The following ZFHX3 variants were observed in gnomAD, a reference collection of about 807,000 sequenced individuals.
ZFHX3 encodes the protein zinc finger homeobox protein 3.
A neutral mutation model predicts 279.1 loss-of-function variants in ZFHX3; 42 were observed. The observed-to-expected ratio is 0.15, with a 90% CI of 0.12 to 0.19. The LOEUF (loss-of-function observed/expected upper bound fraction) is 0.19, where lower values mean the gene tolerates loss of function less well. Among genes scored for constraint, ZFHX3 ranks in the 10% least tolerant of loss-of-function variants. ZFHX3 has a pLI of 1.00. For synonymous variants in ZFHX3, 2,293 were observed against 1,957.8 expected, an observed-to-expected ratio of 1.17 and a Z score of -4.52; for missense variants, 4,981 against 4,754.0, an observed-to-expected ratio of 1.05 and a Z score of -1.40.
intron 3 of ZFHX3, among the ~76,000 whole-genome samples, chr16:72,901,282 G>C (rs931552280): frequency 1.3e-5 from 2 of 152,320 alleles, no homozygotes; most frequent in Non-Finnish European, 2.9e-5. Context: ...CCAAATGCGA[G>C]AGGAAAATGC....
chr16:73,315,048 T>C (rs2015413207), intron 4 of ZFHX3, among the ~76,000 whole-genome samples: 1 of 151,964 alleles, frequency 6.6e-6, no homozygotes, highest in Non-Finnish European at 1.5e-5. Context: ...GCCAACGTAG[T>C]GAAACCCTGT....
At chr16:73,476,465 C>T (rs1424011) in intron 2 of ZFHX3, among the ~76,000 whole-genome samples, 87,325 of 152,002 alleles carry the variant, frequency 0.57, 27,522 homozygotes, top group East Asian at 0.96. Context: ...AAAAAGTCCA[C>T]ACTGCCACAC....
intron 8 of ZFHX3, among the ~76,000 whole-genome samples, chr16:73,074,056 T>C (rs1344921421): frequency 6.6e-6 from 1 of 152,202 alleles, no homozygotes; most frequent in Non-Finnish European, 1.5e-5. Context: ...TCTTATCAGT[T>C]TTTGTCAAAC....
chr16:73,694,706 C>G (rs113017880), intron 1 of ZFHX3, among the ~76,000 whole-genome samples: 105 of 152,254 alleles, frequency 6.9e-4, no homozygotes, highest in Non-Finnish European at 1.2e-3. Context: ...CAGTGGATAG[C>G]AAGAATGGCC....
chr16:73,683,574 T>C (rs898310438), intron 1 of ZFHX3, among the ~76,000 whole-genome samples: 4 of 152,132 alleles, frequency 2.6e-5, no homozygotes, highest in Admixed American at 2.0e-4. Flanking sequence ...AGAGTTTCTC[T>C]CTTGTTGCCA....
intron 3 of ZFHX3, among the ~76,000 whole-genome samples, chr16:73,453,683 A>T (rs1215859207): frequency 6.6e-6 from 1 of 152,214 alleles, no homozygotes; most frequent in African/African-American, 2.4e-5. Context: ...ATAAAGACAT[A>T]GCTGAGACTG....
chr16:73,659,355 A>G (rs1215554801), intron 2 of ZFHX3, among the ~76,000 whole-genome samples: 1 of 152,194 alleles, frequency 6.6e-6, no homozygotes, highest in African/African-American at 2.4e-5. Context: ...GAACATCAGC[A>G]TCCTTCACTC....
intron 4 of ZFHX3, among the ~76,000 whole-genome samples, chr16:72,870,880 T>C (rs1480341976): frequency 2.0e-5 from 3 of 152,192 alleles, no homozygotes; most frequent in Non-Finnish European, 2.9e-5. Context: ...ATTTTGATCA[T>C]TGTTCTGTGG....
chr16:73,232,869 G>A (rs2012820243), intron 5 of ZFHX3: 1 of 152,178 alleles, frequency 6.6e-6, no homozygotes, highest in Non-Finnish European at 1.5e-5. Context: ...CACTTACTAA[G>A]TGAGTAAACA....
chr16:73,190,851 G>A (rs1428250689), intron 5 of ZFHX3, among the ~76,000 whole-genome samples: 1 of 152,108 alleles, frequency 6.6e-6, no homozygotes. Flanking sequence ...GGGGACATGA[G>A]GGACTACAGG....
intron 2 of ZFHX3, among the ~76,000 whole-genome samples, chr16:73,538,782 C>T (rs750599075): frequency 8.5e-5 from 13 of 152,300 alleles, no homozygotes; most frequent in South Asian, 6.2e-4. Flanking sequence ...GATAGATCTG[C>T]GCTCCTTAGT....
chr16:72,787,597 C>T lies in ZFHX3; in HGVS notation c.10679G>A (p.Arg3560Lys), dbSNP rs368639443. The change falls in exon 10 of 10, where the codon AGA (arginine) becomes AAA (lysine). Residue 3560 changes from arginine to lysine, a missense_variant. Around this residue, in one of 7 missense-constraint regions of ZFHX3, gnomAD observed 1,034 missense variants for 786.0 expected, o/e 1.32. Transcript: ENST00000268489. ...SALHKHRTIT[R>K]AARNAKEHPS... The stretch of plus-strand genomic sequence containing the variant: ...GTGCTCTTTGGCGTTTCTTGCTGCT[C>T]TCGTGATTGTTCTGTGTTTGTGCAA... 3 of 1,613,796 alleles carry T rather than the reference C, an allele frequency of 1.9e-6. No homozygotes were observed. Among genetic ancestry groups the T allele is most frequent in the Non-Finnish European group, 2.5e-6 (3 of 1,179,972 alleles).
chr16:73,243,007 A>T (rs73597390), intron 5 of ZFHX3, among the ~76,000 whole-genome samples: 1 of 152,158 alleles, frequency 6.6e-6, no homozygotes, highest in Non-Finnish European at 1.5e-5. Flanking sequence ...GGGTCCTGAC[A>T]GTGAAAAGGA....
chr16:73,350,672 G>A (rs1010679369), intron 3 of ZFHX3, among the ~76,000 whole-genome samples: 1 of 152,184 alleles, frequency 6.6e-6, no homozygotes, highest in African/African-American at 2.4e-5. Flanking sequence ...CACTTCTCCT[G>A]CATCCTGACC....
chr16:73,849,085 C>G (rs1047090330), intron 1 of ZFHX3, among the ~76,000 whole-genome samples: 6 of 152,200 alleles, frequency 3.9e-5, no homozygotes, highest in Admixed American at 2.0e-4. Context: ...AATATTCCTA[C>G]GTGTAAACTG....
chr16:73,067,137 AG>A (rs1965765458), intron 8 of ZFHX3, among the ~76,000 whole-genome samples: 1 of 152,038 alleles, frequency 6.6e-6, no homozygotes, highest in Non-Finnish European at 1.5e-5. Flanking sequence ...GGCCGTCTGG[AG>A]GGGTGCCTGT....
chr16:73,459,365 GT>G (rs528968570), intron 2 of ZFHX3, among the ~76,000 whole-genome samples: 100 of 150,798 alleles, frequency 6.6e-4, no homozygotes, highest in Non-Finnish European at 1.2e-3. Context: ...TTTTGTTGTT[GT>G]TTTTTTTTCT....
At chr16:73,578,110 T>C (rs1447434320) in intron 2 of ZFHX3, among the ~76,000 whole-genome samples, 1 of 152,222 alleles carries the variant, frequency 6.6e-6, no homozygotes, top group Non-Finnish European at 1.5e-5. Context: ...ACAGCTCAGA[T>C]TCATAGGATG....
chr16:73,458,945 A>G (rs2018424564), intron 2 of ZFHX3, among the ~76,000 whole-genome samples: 1 of 152,194 alleles, frequency 6.6e-6, no homozygotes, highest in Non-Finnish European at 1.5e-5. Context: ...CTTACCCAAG[A>G]AGCTCATTTG....
Sources: allele counts gnomAD v4.1 joint callset (sites outside exome capture counted in the v4.1 genomes callset), GRCh38; gene constraint gnomAD v4.1.1; regional missense constraint gnomAD v4.1.1; transcripts MANE v1.5; gene names NCBI Gene and HGNC (gene_info 2026-07-23, HGNC 2026-07-21).